ERBB3: variants seen among roughly 807,000 people sequenced by gnomAD.
ERBB3 encodes the protein erb-b2 receptor tyrosine kinase 3.
ERBB3 carries 96 observed loss-of-function variants against 156.7 expected under a neutral mutation model. The ratio of observed to expected loss-of-function variants is 0.61; its 90% confidence interval spans 0.52 to 0.73. ERBB3 has a LOEUF of 0.73. Ranked by LOEUF, ERBB3 falls within the 30% of genes least tolerant of loss-of-function variation. The pLI is 0.00. For synonymous variants in ERBB3, 567 were observed against 632.0 expected (o/e 0.90, Z 1.54); for missense variants, 1,406 against 1,709.4 (o/e 0.82, Z 3.13).
At chr12:56,086,682 C>A in intron 4 of ERBB3, 26 bp downstream of exon 4, 1 of 1,613,518 alleles carries the variant, frequency 6.2e-7, no homozygotes, top group Non-Finnish European at 8.5e-7. Context: ...CAAGATTGCT[C>A]CCCAGTCCCA....
intron 26 of ERBB3, 65 bp from the exon 27 acceptor site, chr12:56,100,996 A>T: frequency 7.6e-7 from 1 of 1,311,792 alleles, no homozygotes; most frequent in Non-Finnish European, 1.1e-6. Flanking sequence ...CTTCTAAACA[A>T]ATCTCTCTTC....
rs746673930 is a variant in ERBB3, at chr12:56,098,506, A to T, written c.2623A>T (p.Ile875Phe). 3.1e-6 allele frequency: 5 copies of T among 1,610,402 alleles called. No individual in the cohort carries two copies. The highest frequency in any genetic ancestry group is 4.2e-6 in the Non-Finnish European group (5 of 1,176,558). The change falls in exon 22 of 28, where the codon ATT becomes TTT. Residue 875 changes from isoleucine (I) to phenylalanine (F), a missense_variant. Physicochemically the swap from Ile to Phe is conservative, Grantham distance 21. Transcript: ENST00000267101. ...CTCTATCTTTAATCCGCAGACTCCA[A>T]TTAAGTGGATGGCCCTTGAGAGTAT... ...QLLYSEAKTPIKWMALESIHF... is the reference protein window; with the variant it reads ...QLLYSEAKTPFKWMALESIHF...
intron 8 of ERBB3, 38 bp downstream of exon 8, chr12:56,088,694 C>A: frequency 1.9e-6 from 3 of 1,614,134 alleles, no homozygotes; most frequent in South Asian, 1.1e-5. Flanking sequence ...AAGAGACAGC[C>A]TTTCCTCTGA....
In ERBB3 at chr12:56,085,341, GC is replaced by G. The variant is rs965495829; in HGVS notation, c.421+165del. On this transcript the variant is annotated intron_variant, in intron 3 of 27. Transcript: ENST00000267101. ...TCCATTGCTCCCTAAGCAATAGAGGGCCCCCAGTAGGGGGAGCTAGGGGCAT... is the reference window on the plus strand; with the variant it reads ...TCCATTGCTCCCTAAGCAATAGAGGGCCCCAGTAGGGGGAGCTAGGGGCAT... The G allele has an allele frequency of 1.0e-5, 15 of 1,488,988 alleles. No individual in the cohort carries two copies. In the African/African-American group the frequency reaches 1.5e-4, roughly 15 times the overall value. 92.2% of individuals were successfully genotyped at this position (1,488,988 alleles called of 1,614,324 possible).
upstream of ERBB3, chr12:56,080,154 C>T: frequency 1.4e-6 from 1 of 696,204 alleles, no homozygotes; most frequent in Non-Finnish European, 2.6e-6. Flanking sequence ...ACTCCGGCTC[C>T]GGCTCCGATT....
chr12:56,098,680 G>C (rs756961453), intron 22 of ERBB3, 79 bp from the exon 23 acceptor site: 21 of 1,591,304 alleles, frequency 1.3e-5, no homozygotes, highest in Non-Finnish European at 1.7e-5. Context: ...TTTTGTGTTA[G>C]ATCAGGTTCT....
intron 3 of ERBB3, 157 bp from the exon 4 acceptor site, chr12:56,086,373 TA>T: frequency 2.3e-6 from 2 of 877,808 alleles, no homozygotes; most frequent in Non-Finnish European, 1.8e-6. Context: ...CCTCATCTTA[TA>T]AAGGGAGTCT....
rs780746041 is a variant in ERBB3 at position 56,088,645 on chromosome 12, T to C, written c.977T>C (p.Leu326Pro). Reference protein sequence around the residue: ...GLKMCEPCGGLCPKACEGTGS... With the variant: ...GLKMCEPCGGPCPKACEGTGS... ...AAGATGTGTGAGCCTTGTGGGGGAC[T>C]ATGTCCCAAAGGTGGGTAGGAGATG... The change falls in exon 8 of 28, where the codon CTA becomes CCA. Residue 326 changes from leucine to proline, a missense_variant. By Grantham distance (98) the Leu-to-Pro change is moderately conservative (BLOSUM62 -3). Transcript: ENST00000267101. The C allele has an allele frequency of 6.2e-7, 1 of 1,613,608 alleles. No homozygotes were observed. The highest frequency in any genetic ancestry group is 8.5e-7 in the Non-Finnish European group (1 of 1,179,534).
intron 7 of ERBB3, 84 bp downstream of exon 7, chr12:56,088,246 A>G (rs533478554): frequency 3.5e-5 from 51 of 1,468,076 alleles, no homozygotes; most frequent in Non-Finnish European, 4.8e-5. Context: ...AAAAGAATCC[A>G]GTTGGTGATA....
rs985405594 is a variant in ERBB3 at position 56,088,129 on chromosome 12, C to T, written c.841C>T (p.Gln281Ter). 3.7e-6 allele frequency: 6 copies of T among 1,614,040 alleles called. No individual in the cohort carries two copies. The highest frequency in any genetic ancestry group is 5.1e-6 in the Non-Finnish European group (6 of 1,180,016). ...QLEPNPHTKY[Q>*]YGGVCVASCP... Reference sequence around the variant, plus strand: ...GGAACCCAATCCCCACACCAAGTATCAGTATGGAGGAGTTTGTGTAGCCAG... The same window carrying T: ...GGAACCCAATCCCCACACCAAGTATTAGTATGGAGGAGTTTGTGTAGCCAG... Residue 281 changes from glutamine to a stop codon, truncating the protein, a stop_gained, in exon 7 of 28, where the codon CAG becomes TAG. Transcript: ENST00000267101. LOFTEE classifies it high-confidence loss of function.
chr12:56,099,972 C>G lies in ERBB3; in HGVS notation c.3072C>G (p.Thr1024=). Residue 1024 remains threonine, a synonymous_variant, in exon 25 of 28, where the codon ACC becomes ACG. Coordinates refer to ENST00000267101, the MANE Select transcript of ERBB3 (RefSeq NM_001982.4). ...AAGCAGAGGAGGACAACCTGGCAAC[C>G]ACCACACTGGGCTCCGCCCTCAGCC... ...DLEAEEDNLA[T]TTLGSALSLP... 1.9e-6 allele frequency: 3 copies of G among 1,614,250 alleles called. No individual in the cohort carries two copies. Among genetic ancestry groups the G allele is most frequent in the Non-Finnish European group, 2.5e-6 (3 of 1,180,046 alleles).
intron 9 of ERBB3, among the ~76,000 whole-genome samples, chr12:56,091,730 C>G (rs1468168677): frequency 3.3e-5 from 5 of 152,220 alleles, no homozygotes; most frequent in African/African-American, 1.2e-4. Context: ...ACAATGATGT[C>G]TCTGGTCACT....
rs977299903 is a variant in ERBB3, at chr12:56,102,213, C to A, written c.*158C>A. The A allele has an allele frequency of 7.7e-5, 54 of 705,054 alleles. 1 individual carries two copies. The Admixed American group carries it at 1.4e-3, about 18-fold the overall frequency. 43.7% of individuals were successfully genotyped at this position (705,054 alleles called of 1,614,324 possible). ...CTTTGGAGGCTTTTAAACATTTTGA[C>A]ACAAAATTCTTATGGTATGTAGCCA... On this transcript the variant is annotated 3_prime_UTR_variant, in exon 28 of 28. Transcript: ENST00000267101.
intron 9 of ERBB3, 31 bp from the exon 10 acceptor site, chr12:56,092,716 C>T (rs2136807855): frequency 6.5e-7 from 1 of 1,536,450 alleles, no homozygotes; most frequent in Admixed American, 1.7e-5. Context: ...ATACCTTTAC[C>T]TTATTGACTG....
intron 20 of ERBB3, 122 bp downstream of exon 20, chr12:56,097,352 C>A: frequency 1.1e-6 from 1 of 898,334 alleles, no homozygotes; most frequent in Non-Finnish European, 1.8e-6. Context: ...CAGACTGGTA[C>A]CAGTCCATGG....
In ERBB3 at chr12:56,094,428, C is replaced by T. The variant is rs757588784; in HGVS notation, c.1731C>T (p.Ala577=). 4 of 1,613,970 alleles carry T rather than the reference C, an allele frequency of 2.5e-6. No homozygotes were observed. The highest frequency in any genetic ancestry group is 2.2e-5 in the South Asian group (2 of 91,088). Residue 577 remains alanine, a synonymous_variant, in exon 15 of 28, where the codon GCC becomes GCT. Coordinates refer to ENST00000267101, the MANE Select transcript of ERBB3 (RefSeq NM_001982.4). ...GSGSDTCAQC[A]HFRDGPHCVS... is the part of the protein sequence containing the mutation. ...GCTCTGATACTTGTGCTCAATGTGC[C>T]CATTTTCGAGATGGGCCCCACTGTG...
chr12:56,080,640 G>C (rs1868343014), intron 1 of ERBB3, among the ~76,000 whole-genome samples: 1 of 152,240 alleles, frequency 6.6e-6, no homozygotes. Flanking sequence ...AGAAGAGGCT[G>C]AGGCCGAAAC....
intron 9 of ERBB3, 58 bp from the exon 10 acceptor site, chr12:56,092,689 C>A: frequency 8.5e-7 from 1 of 1,174,528 alleles, no homozygotes; most frequent in Non-Finnish European, 1.3e-6. Flanking sequence ...GCTGGGTGTG[C>A]TCATTGCCAT....
intron 1 of ERBB3, 90 bp downstream of exon 1, chr12:56,080,472 C>A: frequency 9.2e-7 from 1 of 1,091,552 alleles, no homozygotes; most frequent in South Asian, 1.4e-5. Flanking sequence ...CGGTCTCAGG[C>A]GGCGCGGGGT....
Sources: gnomAD v4.1 joint callset for allele counts (sites outside exome capture counted in the v4.1 genomes callset) on GRCh38, gnomAD v4.1.1 for gene constraint, MANE v1.5 for transcripts, NCBI Gene and HGNC (gene_info 2026-07-23, HGNC 2026-07-21) for gene names.